Variants in WDR4 observed in about 807,000 individuals in gnomAD.
WDR4 encodes tRNA (guanine-N(7)-)-methyltransferase non-catalytic subunit WDR4.
In WDR4, 47 loss-of-function variants were observed where a neutral mutation model predicts 48.6. That is an observed-to-expected ratio of 0.97 (90% CI 0.77 to 1.23). WDR4 has a LOEUF of 1.23. Ranked by LOEUF, WDR4 falls within the 50% of genes most tolerant of loss-of-function variation. WDR4 has a pLI of 0.00. For synonymous variants in WDR4, 268 were observed against 230.0 expected (o/e 1.17, Z -1.49); for missense variants, 606 against 551.6 (o/e 1.10, Z -0.99).
At chr21:42,892,564 T>TG in the WDR4 span, among the ~76,000 whole-genome samples, 4 of 151,772 alleles carry the variant, frequency 2.6e-5, no homozygotes, top group Non-Finnish European at 5.9e-5. Flanking sequence ...AAGCTGAAGG[T>TG]GGCACGTCCA....
At chr21:42,859,830 A>G in intron 5 of WDR4, 108 bp from the exon 6 acceptor site, 1 of 1,143,298 alleles carries the variant, frequency 8.7e-7, no homozygotes, top group Non-Finnish European at 1.3e-6. Context: ...CTCTGCCCTA[A>G]ACCCCCTGAT....
intron 2 of WDR4, 103 bp from the exon 3 acceptor site, chr21:42,873,794 CTGTT>C: frequency 1.4e-5 from 19 of 1,400,608 alleles, no homozygotes; most frequent in Non-Finnish European, 1.8e-5. Flanking sequence ...GAGGTAGAAA[CTGTT>C]AAGGGGATCA....
Position 42,878,248 on chromosome 21 carries a change from C to T in WDR4, c.89+1159G>A, listed in dbSNP as rs373415609. On this transcript the variant is annotated intron_variant, in intron 1 of 10. Coordinates refer to ENST00000398208, the MANE Select transcript of WDR4 (RefSeq NM_018669.6). ...TAAACTTCGGTTTATCCCATCCTCACCCCCTGGCACGTATCTTGTACATAT... is the reference window on the plus strand; with the variant it reads ...TAAACTTCGGTTTATCCCATCCTCATCCCCTGGCACGTATCTTGTACATAT... Among the ~76,000 whole-genome samples the T allele has an allele frequency of 2.4e-4, 37 of 152,218 alleles. No homozygotes were observed. In the South Asian group the frequency reaches 6.6e-3, roughly 27 times the overall value.
chr21:42,860,077 C>T (rs546049050), intron 5 of WDR4, among the ~76,000 whole-genome samples: 19 of 152,098 alleles, frequency 1.2e-4, no homozygotes, highest in Admixed American at 3.3e-4. Context: ...CTCTACAGGC[C>T]CCCCAGCACC....
At chr21:42,843,457 C>A (rs1186549687) in intron 11 of WDR4, among the ~76,000 whole-genome samples, 1 of 124,148 alleles carries the variant, frequency 8.1e-6, no homozygotes, top group Non-Finnish European at 1.6e-5. Flanking sequence ...GTCACCCAGG[C>A]TGGAATGCAG....
At chr21:42,891,460 AGATGTCAACATCTGC>A in the WDR4 span, among the ~76,000 whole-genome samples, 4 of 152,074 alleles carry the variant, frequency 2.6e-5, no homozygotes, top group African/African-American at 9.7e-5. Context: ...AACTCCAGCA[AGATGTCAACATCTGC>A]CGCATGTGCC....
At chr21:42,859,568 G>GCGATCCACAGGGGCCAA in intron 6 of WDR4, 94 bp downstream of exon 6, 2 of 1,371,836 alleles carry the variant, frequency 1.5e-6, no homozygotes, top group Non-Finnish European at 2.0e-6. Flanking sequence ...CCAGGGGCCA[G>GCGATCCACAGGGGCCAA]CGATCCACAG....
downstream of WDR4, among the ~76,000 whole-genome samples, chr21:42,848,160 A>C (rs761023513): frequency 2.0e-5 from 3 of 152,178 alleles, no homozygotes; most frequent in Non-Finnish European, 4.4e-5. Context: ...GATACCCCAC[A>C]TCATAGTCAT....
chr21:42,871,517 G>A (rs556920261), intron 3 of WDR4, among the ~76,000 whole-genome samples: 1 of 152,176 alleles, frequency 6.6e-6, no homozygotes, highest in East Asian at 1.9e-4. Flanking sequence ...TCTATTCTAG[G>A]TCCTAAATGA....
At chr21:42,879,040 G>A (rs2058567117) in intron 1 of WDR4, 1 of 1,064,586 alleles carries the variant, frequency 9.4e-7, no homozygotes, top group South Asian at 4.0e-5. Flanking sequence ...AGCGTGTTCG[G>A]CCGGGCCTTG....
chr21:42,879,524 T>G lies in WDR4; in HGVS notation c.-29A>C, dbSNP rs747090545. 9.3e-6 allele frequency: 15 copies of G among 1,611,000 alleles called. No individual in the cohort carries two copies. The South Asian group carries it at 1.3e-4, about 14-fold the overall frequency. On this transcript the variant is annotated 5_prime_UTR_variant, in exon 1 of 11. It removes an upstream start codon present in the reference 5' UTR. Coordinates refer to ENST00000398208, the MANE Select transcript of WDR4 (RefSeq NM_018669.6). ...CCCGCCCGCCTCACCGCCATACACA[T>G]GTGCCAGCCCAGAGCCTCTTCCTGT...
the WDR4 span, among the ~76,000 whole-genome samples, chr21:42,885,526 C>T: frequency 1.3e-5 from 2 of 152,058 alleles, no homozygotes; most frequent in African/African-American, 4.8e-5. Context: ...AGGAGAACCA[C>T]TGAACCCAGG....
upstream of WDR4, chr21:42,879,583 G>T (rs752562766): frequency 1.3e-6 from 2 of 1,513,862 alleles, no homozygotes; most frequent in Non-Finnish European, 1.8e-6. Context: ...CGCAGACGCC[G>T]AGAGATGACG....
downstream of WDR4, among the ~76,000 whole-genome samples, chr21:42,847,581 G>A (rs371399244): frequency 1.7e-4 from 26 of 152,348 alleles, 1 homozygote; most frequent in South Asian, 2.1e-3. Context: ...TGAGGAGGGC[G>A]TTCCGTCTCA....
Position 42,862,302 on chromosome 21 carries a change from G to C in WDR4, c.546C>G (p.Ser182=). ...CTCACTCTGTGTGCCCCAAGCAGAA[G>C]GACTCGATGCTATGGGGCGCCGCGG... ...SWAAAPHSIE[S]FCLGHTEFVS... is the part of the protein sequence containing the mutation. Residue 182 remains serine (S), a synonymous_variant, in exon 5 of 11, where the codon TCC becomes TCG. Coordinates refer to ENST00000398208, the MANE Select transcript of WDR4 (RefSeq NM_018669.6). The surrounding 1 kb of genome is among the most constrained non-coding windows in gnomAD (Gnocchi z 4.3). The C allele has an allele frequency of 1.2e-6, 2 of 1,610,316 alleles. No homozygotes were observed. The highest frequency in any genetic ancestry group is 1.3e-5 in the African/African-American group (1 of 75,012).
At chr21:42,886,478 T>C in the WDR4 span, among the ~76,000 whole-genome samples, 7 of 152,368 alleles carry the variant, frequency 4.6e-5, no homozygotes, top group East Asian at 1.3e-3. Flanking sequence ...CAATTGACTT[T>C]TGTAAATTGT....
chr21:42,864,353 C>T (rs922148297), intron 3 of WDR4, among the ~76,000 whole-genome samples: 3 of 151,984 alleles, frequency 2.0e-5, no homozygotes, highest in Admixed American at 6.5e-5. Flanking sequence ...GCACCAGTCT[C>T]CAGGGCCCCC....
At chr21:42,859,558 C>CCAGCGATCCA in intron 6 of WDR4, 104 bp downstream of exon 6, 9 of 820,404 alleles carry the variant, frequency 1.1e-5, no homozygotes, top group Non-Finnish European at 1.7e-5. Flanking sequence ...CCACAGCCAG[C>CCAGCGATCCA]CAGGGGCCAG....
chr21:42,859,616 C>T (rs763452050), intron 6 of WDR4, 46 bp downstream of exon 6: 4 of 1,256,572 alleles, frequency 3.2e-6, no homozygotes, highest in Admixed American at 2.1e-5. Flanking sequence ...ACCCTCCCTG[C>T]AGGCTCAAGA....
Sources: gnomAD v4.1 joint callset for allele counts (sites outside exome capture counted in the v4.1 genomes callset) on GRCh38, gnomAD v4.1.1 for gene constraint, Gnocchi (gnomAD v3.1) non-coding constraint, MANE v1.5 for transcripts, NCBI Gene and HGNC (gene_info 2026-07-23, HGNC 2026-07-21) for gene names.